The following USP54 variants were observed in gnomAD, a reference collection of about 807,000 sequenced individuals.
The protein encoded by USP54 is ubiquitin carboxyl-terminal hydrolase 54.
In USP54, 87 loss-of-function variants were observed where a neutral mutation model predicts 170.5. The observed-to-expected ratio is 0.51, with a 90% CI of 0.43 to 0.61. The LOEUF (loss-of-function observed/expected upper bound fraction) is 0.61, where lower values mean the gene tolerates loss of function less well. Among genes scored for constraint, USP54 ranks in the 20% least tolerant of loss-of-function variants. USP54 has a pLI of 0.00. For missense variants in USP54, 1,786 were observed against 2,047.8 expected (o/e 0.87, Z 2.47); for synonymous variants, 655 against 742.8 (o/e 0.88, Z 1.92).
At chr10:73,532,999 T>C (rs1460028004) in intron 12 of USP54, among the ~76,000 whole-genome samples, 1 of 152,204 alleles carries the variant, frequency 6.6e-6, no homozygotes, top group Admixed American at 6.5e-5. Flanking sequence ...GAATCATCAT[T>C]ATTATTTTTA....
chr10:73,505,542 C>T, intron 20 of USP54, 116 bp from the exon 21 acceptor site: 1 of 799,708 alleles, frequency 1.3e-6, no homozygotes, highest in Middle Eastern at 2.5e-4. Flanking sequence ...AATATGCATC[C>T]TTGAATTCAA....
chr10:73,573,524 G>C (rs1406118083), intron 3 of USP54, among the ~76,000 whole-genome samples: 1 of 152,212 alleles, frequency 6.6e-6, no homozygotes, highest in Admixed American at 6.5e-5. Context: ...AGCACTTTGG[G>C]AGGCCGAGGT....
At chr10:73,557,544 G>T (rs184217057) in intron 4 of USP54, among the ~76,000 whole-genome samples, 1 of 149,274 alleles carries the variant, frequency 6.7e-6, no homozygotes, top group Non-Finnish European at 1.5e-5. Flanking sequence ...GCAGTGCAGT[G>T]GCGCGATCTC....
intron 4 of USP54, among the ~76,000 whole-genome samples, chr10:73,551,679 C>T (rs2069402014): frequency 6.6e-6 from 1 of 152,194 alleles, no homozygotes; most frequent in African/African-American, 2.4e-5. Flanking sequence ...GCCTGTTGCT[C>T]TTCTCAATTG....
In USP54 at chr10:73,596,525, C is replaced by T. The variant is rs572266824; in HGVS notation, c.-17-20850G>A. Among the ~76,000 whole-genome samples, 5 of 151,546 alleles carry T rather than the reference C, an allele frequency of 3.3e-5. 1 individual carries two copies. The South Asian group carries it at 1.0e-3, about 32-fold the overall frequency. Reference sequence around the variant, plus strand: ...AGTGAGCCGAGATCGCACCACTGCACTCCAGCCTGGGTGACAGAGTGAGAC... The same window carrying T: ...AGTGAGCCGAGATCGCACCACTGCATTCCAGCCTGGGTGACAGAGTGAGAC... On this transcript the variant is annotated intron_variant, in intron 1 of 22. Transcript: ENST00000339859.
intron 13 of USP54, 58 bp downstream of exon 13, chr10:73,530,646 T>C: frequency 1.3e-5 from 21 of 1,604,320 alleles, no homozygotes; most frequent in Non-Finnish European, 6.0e-6. Context: ...GTCTGGAGCA[T>C]GACAGAAGTT....
intron 20 of USP54, among the ~76,000 whole-genome samples, chr10:73,507,953 C>T (rs7917201): frequency 0.047 from 7,100 of 151,504 alleles, 501 homozygotes; most frequent in African/African-American, 0.15. Flanking sequence ...ATTGTGCCAC[C>T]GTACTCCAGC....
rs1205129764 is a variant in USP54, at chr10:73,516,561, C to A, written c.3865G>T (p.Asp1289Tyr). ...PRPGMKSSPH[D>Y]SHTCVTYPER... ...GGATAGGTTACACACGTATGGGAAT[C>A]ATGAGGGGAGGACTTCATTCCTGGC... The change falls in exon 20 of 24, where the codon GAT (aspartate) becomes TAT (tyrosine). Residue 1289 changes from aspartate (D) to tyrosine (Y), a missense_variant. Around this residue, in one of 3 missense-constraint regions of USP54, gnomAD observed 1,418 missense variants for 1,569.0 expected, o/e 0.90. Coordinates refer to ENST00000687698, the MANE Select transcript of USP54 (RefSeq NM_001391956.1). 3.1e-6 allele frequency: 5 copies of A among 1,614,206 alleles called. No individual in the cohort carries two copies. Among genetic ancestry groups the A allele is most frequent in the Non-Finnish European group, 4.2e-6 (5 of 1,180,038 alleles).
At chr10:73,511,307 T>G (rs1294375899) in intron 20 of USP54, among the ~76,000 whole-genome samples, 1 of 152,166 alleles carries the variant, frequency 6.6e-6, no homozygotes, top group African/African-American at 2.4e-5. Flanking sequence ...ATAGGTGAAA[T>G]GTATGGCATG....
At chr10:73,530,564 T>G in intron 13 of USP54, 41 bp from the exon 14 acceptor site, 1 of 1,575,342 alleles carries the variant, frequency 6.3e-7, no homozygotes, top group Admixed American at 1.9e-5. Context: ...ATGTTTAAAG[T>G]GATCATGGAT....
intron 22 of USP54, 163 bp downstream of exon 22, chr10:73,504,687 G>A: frequency 1.1e-6 from 1 of 940,360 alleles, no homozygotes; most frequent in Non-Finnish European, 1.6e-6. Flanking sequence ...CCAGCTGAAT[G>A]TTTGTAAATA....
intron 1 of USP54, among the ~76,000 whole-genome samples, chr10:73,622,575 C>T (rs1057512902): frequency 6.6e-6 from 1 of 152,114 alleles, no homozygotes; most frequent in African/African-American, 2.4e-5. Context: ...CCGCCCACCT[C>T]AGCCTCCCAA....
intron 22 of USP54, among the ~76,000 whole-genome samples, chr10:73,501,998 T>G (rs1045948670): frequency 6.6e-6 from 1 of 152,238 alleles, no homozygotes; most frequent in Non-Finnish European, 1.5e-5. Flanking sequence ...TACTTATCAT[T>G]GTCTGGCATT....
At chr10:73,590,930 T>C (rs1201581815) in intron 1 of USP54, among the ~76,000 whole-genome samples, 1 of 152,118 alleles carries the variant, frequency 6.6e-6, no homozygotes, top group Non-Finnish European at 1.5e-5. Flanking sequence ...CTTCTTCTGT[T>C]TGAAGGAAAT....
chr10:73,534,654 T>C lies in USP54; in HGVS notation c.1261A>G (p.Thr421Ala). Residue 421 changes from threonine to alanine, a missense_variant, in exon 12 of 24, where the codon ACA (threonine) becomes GCA (alanine). Thr to Ala is a moderately conservative substitution (Grantham distance 58). Coordinates refer to ENST00000687698, the MANE Select transcript of USP54 (RefSeq NM_001391956.1). ...VSHFSSDSQG[T>A]VIYNVENDSM... ...TCATTTTCCACATTATAGATGACTG[T>C]CCCCTGAGAATCAGAAGAGAAGTGA... is the stretch of plus-strand genomic sequence containing the variant. The C allele has an allele frequency of 6.2e-7, 1 of 1,614,124 alleles. No individual in the cohort carries two copies. The highest frequency in any genetic ancestry group is 2.2e-5 in the East Asian group (1 of 44,880).
chr10:73,523,791 C>T, intron 16 of USP54, 41 bp from the exon 17 acceptor site: 2 of 1,563,790 alleles, frequency 1.3e-6, no homozygotes, highest in East Asian at 2.2e-5. Context: ...ATTTCCATTA[C>T]CAAGACTAAG....
chr10:73,547,422 C>T (rs978610709), intron 4 of USP54, among the ~76,000 whole-genome samples: 1 of 152,134 alleles, frequency 6.6e-6, no homozygotes, highest in African/African-American at 2.4e-5. Flanking sequence ...CCTGCATTGC[C>T]AAGACAATCC....
At chr10:73,621,772 A>G (rs2081115834) in intron 1 of USP54, among the ~76,000 whole-genome samples, 1 of 152,170 alleles carries the variant, frequency 6.6e-6, no homozygotes, top group Non-Finnish European at 1.5e-5. Context: ...CTATTTTCCC[A>G]AGCATAGCTC....
At chr10:73,502,382 C>T (rs1234830978) in intron 22 of USP54, among the ~76,000 whole-genome samples, 2 of 152,086 alleles carry the variant, frequency 1.3e-5, no homozygotes, top group Non-Finnish European at 2.9e-5. Context: ...AATCTCGGCT[C>T]ACTCACTGCA....
Sources: gnomAD v4.1 joint callset for allele counts (sites outside exome capture counted in the v4.1 genomes callset) on GRCh38, gnomAD v4.1.1 for gene constraint, gnomAD v4.1.1 regional missense constraint, MANE v1.5 for transcripts, NCBI Gene and HGNC (gene_info 2026-07-23, HGNC 2026-07-21) for gene names.